CHRM3: variants seen among roughly 807,000 people sequenced by gnomAD.
CHRM3 encodes the protein cholinergic receptor muscarinic 3.
CHRM3 carries 11 observed loss-of-function variants against 41.8 expected under a neutral mutation model. The ratio of observed to expected loss-of-function variants is 0.26; its 90% confidence interval spans 0.17 to 0.44. The LOEUF is 0.44. Ranked by LOEUF, CHRM3 falls within the 20% of genes least tolerant of loss-of-function variation. CHRM3 has a pLI of 1.00. For missense variants in CHRM3, 571 were observed against 745.4 expected, an observed-to-expected ratio of 0.77 and a Z score of 2.72; for synonymous variants, 297 against 301.4, an observed-to-expected ratio of 0.99 and a Z score of 0.15.
At chr1:239,849,922 G>A (rs2149216932) in intron 6 of CHRM3, among the ~76,000 whole-genome samples, 1 of 152,250 alleles carries the variant, frequency 6.6e-6, no homozygotes, top group East Asian at 1.9e-4. Flanking sequence ...GCAAACCCAG[G>A]TTGTCTTATT....
At chr1:239,895,780 A>G (rs952282957) in intron 6 of CHRM3, among the ~76,000 whole-genome samples, 1 of 152,172 alleles carries the variant, frequency 6.6e-6, no homozygotes, top group African/African-American at 2.4e-5. Context: ...GTACACATAG[A>G]CACAAAGAAG....
At chr1:239,435,990 A>G (rs998323612) in intron 1 of CHRM3, among the ~76,000 whole-genome samples, 5 of 152,156 alleles carry the variant, frequency 3.3e-5, no homozygotes, top group African/African-American at 1.2e-4. Flanking sequence ...GGAAGTGGAA[A>G]GCTGACAAAG....
chr1:239,476,231 C>T (rs1359573668), intron 1 of CHRM3, among the ~76,000 whole-genome samples: 1 of 151,910 alleles, frequency 6.6e-6, no homozygotes, highest in Non-Finnish European at 1.5e-5. Flanking sequence ...TTTGGGAGGC[C>T]GAGGCAGGCA....
chr1:239,785,311 A>G (rs1668803838), intron 5 of CHRM3, among the ~76,000 whole-genome samples: 1 of 152,230 alleles, frequency 6.6e-6, no homozygotes, highest in South Asian at 2.1e-4. Context: ...ATCAGCTGAA[A>G]TTCATGGAGA....
chr1:239,743,788 C>CTTTTTTTTTTTTTTTTTTTTTT (rs10718514), intron 5 of CHRM3, among the ~76,000 whole-genome samples: 68 of 81,190 alleles, frequency 8.4e-4, no homozygotes, highest in South Asian at 1.1e-3. Flanking sequence ...TTTTTTTTTT[C>CTTTTTTTTTTTTTTTTTTTTTT]TTTTTTTTTT....
At chr1:239,552,319 C>A (rs1659916716) in intron 3 of CHRM3, among the ~76,000 whole-genome samples, 1 of 142,504 alleles carries the variant, frequency 7.0e-6, no homozygotes, top group African/African-American at 2.6e-5. Context: ...AGATATGTAT[C>A]ATATATATAG....
intron 5 of CHRM3, among the ~76,000 whole-genome samples, chr1:239,736,512 A>G (rs1048779979): frequency 1.1e-4 from 17 of 152,250 alleles, no homozygotes; most frequent in Middle Eastern, 6.8e-3. Flanking sequence ...TGCATTATAC[A>G]TAGGGGCATT....
intron 4 of CHRM3, among the ~76,000 whole-genome samples, chr1:239,637,728 G>A (rs1485859211): frequency 1.7e-4 from 24 of 138,170 alleles, no homozygotes; most frequent in Non-Finnish European, 2.4e-4. Flanking sequence ...TTTTTTTGGG[G>A]AATTTGTATT....
intron 5 of CHRM3, among the ~76,000 whole-genome samples, chr1:239,734,653 G>A (rs568693558): frequency 1.1e-4 from 16 of 152,124 alleles, no homozygotes; most frequent in Non-Finnish European, 2.1e-4. Flanking sequence ...TATATAATCA[G>A]ATACATGTTA....
chr1:239,564,625 A>T (rs759359418), intron 3 of CHRM3, among the ~76,000 whole-genome samples: 1 of 152,166 alleles, frequency 6.6e-6, no homozygotes, highest in Non-Finnish European at 1.5e-5. Context: ...AGAACCATAT[A>T]TCTTAACCAC....
intron 6 of CHRM3, among the ~76,000 whole-genome samples, chr1:239,849,789 C>T (rs1265631730): frequency 6.6e-6 from 1 of 152,044 alleles, no homozygotes; most frequent in Non-Finnish European, 1.5e-5. Context: ...AAGGTATTTG[C>T]AAAAATTAAG....
intron 6 of CHRM3, among the ~76,000 whole-genome samples, chr1:239,856,660 C>A (rs187981121): frequency 2.0e-5 from 3 of 151,964 alleles, no homozygotes; most frequent in East Asian, 1.9e-4. Context: ...ACCAGGAAGA[C>A]AATTAAAAGC....
intron 6 of CHRM3, chr1:239,898,029 A>G (rs1227186428): frequency 6.6e-6 from 1 of 152,206 alleles, no homozygotes; most frequent in African/African-American, 2.4e-5. Flanking sequence ...CCCTTTTTAA[A>G]TAGAATTTTA....
intron 5 of CHRM3, chr1:239,719,056 T>G (rs1662675065): frequency 6.6e-6 from 1 of 151,994 alleles, no homozygotes; most frequent in Non-Finnish European, 1.5e-5. Flanking sequence ...AATAACACTC[T>G]ATAGATTAAA....
intron 1 of CHRM3, among the ~76,000 whole-genome samples, chr1:239,487,570 G>A (rs1162363184): frequency 2.6e-5 from 4 of 152,002 alleles, no homozygotes; most frequent in African/African-American, 9.7e-5. Context: ...AAAAATAGCT[G>A]AATCTTTGGC....
At chr1:239,834,210 C>T (rs1673118393) in intron 6 of CHRM3, among the ~76,000 whole-genome samples, 1 of 148,800 alleles carries the variant, frequency 6.7e-6, no homozygotes, top group Non-Finnish European at 1.5e-5. Context: ...AAAATTTGCA[C>T]ACTCAACAAT....
At chr1:239,869,002 A>G (rs1252636484) in intron 6 of CHRM3, among the ~76,000 whole-genome samples, 23 of 152,186 alleles carry the variant, frequency 1.5e-4, no homozygotes, top group African/African-American at 5.3e-4. Context: ...TTCCTGTACC[A>G]GTGAATACTG....
At chr1:239,717,760 G>A (rs1265497105) in intron 5 of CHRM3, among the ~76,000 whole-genome samples, 2 of 152,000 alleles carry the variant, frequency 1.3e-5, no homozygotes, top group Middle Eastern at 3.2e-3. Context: ...CCCTCATTTC[G>A]GTTCTATCCT....
intron 6 of CHRM3, among the ~76,000 whole-genome samples, chr1:239,900,139 A>G (rs1338098131): frequency 2.0e-5 from 3 of 152,162 alleles, no homozygotes; most frequent in African/African-American, 7.2e-5. Context: ...AAATATCCTA[A>G]TGCTATGGAA....
Sources: allele counts gnomAD v4.1 joint callset (sites outside exome capture counted in the v4.1 genomes callset), GRCh38; gene constraint gnomAD v4.1.1; transcripts MANE v1.5; gene names NCBI Gene and HGNC (gene_info 2026-07-23, HGNC 2026-07-21).